Variants in TNS3 observed in about 807,000 individuals in gnomAD.
The protein encoded by TNS3 is tensin 3, also known as tensin-3.
In TNS3, 45 loss-of-function variants were observed where a neutral mutation model predicts 140.9. The observed-to-expected ratio is 0.32, with a 90% CI of 0.25 to 0.41. The LOEUF is 0.41. Ranked by LOEUF, TNS3 falls within the 10% of genes least tolerant of loss-of-function variation. The pLI is 1.00. For synonymous variants in TNS3, 815 were observed against 788.4 expected, an observed-to-expected ratio of 1.03 and a Z score of -0.56; for missense variants, 1,716 against 1,906.7, an observed-to-expected ratio of 0.90 and a Z score of 1.86.
In TNS3 at chr7:47,486,175, A is replaced by G. The variant is rs115246795; in HGVS notation, c.-114-5034T>C. Among the ~76,000 whole-genome samples the G allele has an allele frequency of 7.4e-3, 1,118 of 151,820 alleles. 12 individuals carry two copies. Among genetic ancestry groups the G allele is most frequent in the African/African-American group, 0.025 (1,053 of 41,316 alleles). ...TTGTGTGAATGTGTGTAAGTTTGAGAGTGTTGTGAGTTTGCATATGAGTGG... is the reference window on the plus strand; with the variant it reads ...TTGTGTGAATGTGTGTAAGTTTGAGGGTGTTGTGAGTTTGCATATGAGTGG... On this transcript the variant is annotated intron_variant, in intron 3 of 30. Transcript: ENST00000311160.
At chr7:47,394,010 C>T (rs1202359949) in intron 16 of TNS3, among the ~76,000 whole-genome samples, 1 of 152,180 alleles carries the variant, frequency 6.6e-6, no homozygotes, top group Admixed American at 6.5e-5. Flanking sequence ...ATGGCTCCAC[C>T]ACCTCCAACC....
intron 1 of TNS3, among the ~76,000 whole-genome samples, chr7:47,536,959 G>A (rs1243878790): frequency 6.6e-6 from 1 of 152,036 alleles, no homozygotes; most frequent in Non-Finnish European, 1.5e-5. Context: ...CGCAGCCCAC[G>A]TGCGTGCAGC....
At chr7:47,447,304 T>G (rs1380266220) in intron 4 of TNS3, among the ~76,000 whole-genome samples, 1 of 151,972 alleles carries the variant, frequency 6.6e-6, no homozygotes, top group East Asian at 1.9e-4. Flanking sequence ...GATGGAGTCT[T>G]GCTCTGTTGC....
chr7:47,536,929 G>A lies in TNS3; in HGVS notation c.-264-7782C>T, dbSNP rs556280943. ...GGGTACACACCAGCACAGCGTCCAC[G>A]GGCACCAGTGCACACCCGGCGCAGC... On this transcript the variant is annotated intron_variant, in intron 1 of 30. Coordinates refer to ENST00000311160, the MANE Select transcript of TNS3 (RefSeq NM_022748.12). 2.3e-3 allele frequency among the ~76,000 whole-genome samples: 351 copies of A among 152,244 alleles called. 1 individual carries two copies. The highest frequency in any genetic ancestry group is 0.014 in the Middle Eastern group (4 of 294).
At chr7:47,529,183 T>C (rs1799306150) in intron 1 of TNS3, 36 bp from the exon 2 acceptor site, 1 of 1,108,104 alleles carries the variant, frequency 9.0e-7, no homozygotes, top group Admixed American at 3.0e-5. Flanking sequence ...CAACGTTTCA[T>C]CTCATAGTTT....
intron 17 of TNS3, among the ~76,000 whole-genome samples, chr7:47,366,643 T>C (rs961431797): frequency 4.6e-5 from 7 of 152,016 alleles, no homozygotes; most frequent in Admixed American, 2.6e-4. Flanking sequence ...GGGACTGCAG[T>C]CCTCACCTGT....
intron 13 of TNS3, among the ~76,000 whole-genome samples, chr7:47,409,586 A>G (rs1381788966): frequency 6.6e-6 from 1 of 152,196 alleles, no homozygotes; most frequent in East Asian, 1.9e-4. Flanking sequence ...CAGGGCAGGT[A>G]GAACACTACG....
intron 4 of TNS3, among the ~76,000 whole-genome samples, chr7:47,460,212 CAAAAA>C (rs10526565): frequency 1.7e-5 from 2 of 115,050 alleles, no homozygotes; most frequent in Non-Finnish European, 1.7e-5. Context: ...GACTCTGTCC[CAAAAA>C]AAAAAAAAAA....
intron 8 of TNS3, among the ~76,000 whole-genome samples, chr7:47,434,250 A>G (rs549548572): frequency 5.3e-5 from 8 of 152,056 alleles, no homozygotes; most frequent in Admixed American, 2.0e-4. Context: ...CTTCTTTCAA[A>G]CTAAATTCCA....
chr7:47,374,422 T>C (rs1259375792), intron 16 of TNS3, among the ~76,000 whole-genome samples: 1 of 152,246 alleles, frequency 6.6e-6, no homozygotes, highest in Non-Finnish European at 1.5e-5. Flanking sequence ...ATCTGTCTTC[T>C]GACCTCTGTA....
At chr7:47,428,849 A>G (rs1244416965) in intron 8 of TNS3, among the ~76,000 whole-genome samples, 1 of 152,168 alleles carries the variant, frequency 6.6e-6, no homozygotes, top group Non-Finnish European at 1.5e-5. Context: ...TGAGCTCCAC[A>G]TACACCGCCG....
chr7:47,492,174 C>T (rs1470206739), intron 3 of TNS3, among the ~76,000 whole-genome samples: 2 of 152,194 alleles, frequency 1.3e-5, no homozygotes, highest in Non-Finnish European at 2.9e-5. Context: ...GACAGGGAGT[C>T]ATCATCTCAT....
intron 16 of TNS3, among the ~76,000 whole-genome samples, chr7:47,379,457 C>T (rs1791615686): frequency 6.6e-6 from 1 of 152,168 alleles, no homozygotes; most frequent in Non-Finnish European, 1.5e-5. Context: ...TTCTATTCCA[C>T]AGAAAATTCA....
At chr7:47,297,255 G>C (rs749456722) in intron 23 of TNS3, 42 bp from the exon 24 acceptor site, 3 of 1,581,874 alleles carry the variant, frequency 1.9e-6, no homozygotes, top group Middle Eastern at 3.4e-4. Flanking sequence ...CTGCCGGGTG[G>C]ACAAAGGTCT....
At chr7:47,346,782 C>T (rs114131398) in intron 17 of TNS3, among the ~76,000 whole-genome samples, 248 of 152,322 alleles carry the variant, frequency 1.6e-3, no homozygotes, top group Middle Eastern at 3.4e-3. Context: ...CACACACCTG[C>T]GGTGACCTTG....
chr7:47,529,886 A>G (rs935334173), intron 1 of TNS3, among the ~76,000 whole-genome samples: 1 of 152,378 alleles, frequency 6.6e-6, no homozygotes, highest in South Asian at 2.1e-4. Flanking sequence ...CTTAATATCC[A>G]TATGGATTCA....
intron 15 of TNS3, 91 bp downstream of exon 15, chr7:47,400,302 C>T (rs1793080208): frequency 6.9e-6 from 7 of 1,013,082 alleles, no homozygotes; most frequent in Non-Finnish European, 1.1e-5. Context: ...TGCACAAAGG[C>T]AGGAGACTAG....
chr7:47,536,792 TGCACACACAGACGCGCGCTCACAA>T (rs1799613715), intron 1 of TNS3, among the ~76,000 whole-genome samples: 1 of 152,296 alleles, frequency 6.6e-6, no homozygotes, highest in African/African-American at 2.4e-5. Flanking sequence ...TACACATGCC[TGCACACACAGACGCGCGCTCACAA>T]GCACACACGC....
At chr7:47,472,001 C>T (rs530967089) in intron 4 of TNS3, among the ~76,000 whole-genome samples, 100 of 152,346 alleles carry the variant, frequency 6.6e-4, no homozygotes, top group African/African-American at 2.3e-3. Flanking sequence ...CGGCAGGCTG[C>T]GCTCCTTCTG....
Sources: gnomAD v4.1 joint callset for allele counts (sites outside exome capture counted in the v4.1 genomes callset) on GRCh38, gnomAD v4.1.1 for gene constraint, MANE v1.5 for transcripts, NCBI Gene and HGNC (gene_info 2026-07-23, HGNC 2026-07-21) for gene names.